Variants in TSC2 observed in about 807,000 individuals in gnomAD.
TSC2 encodes the protein tuberin.
TSC2 carries 29 observed loss-of-function variants against 202.2 expected under a neutral mutation model. That is an observed-to-expected ratio of 0.14 (90% CI 0.11 to 0.20). The LOEUF (loss-of-function observed/expected upper bound fraction) is 0.20. Ranked by LOEUF, TSC2 falls within the 10% of genes least tolerant of loss-of-function variation. The probability of loss-of-function intolerance (pLI) is 1.00; values close to 1 mark genes in which losing one functional copy is unlikely to be tolerated. For missense variants in TSC2, 2,429 were observed against 2,420.0 expected (o/e 1.00, Z -0.08); for synonymous variants, 1,349 against 1,044.0 (o/e 1.29, Z -5.63).
rs982774136 is a variant in TSC2, at chr16:2,065,733, C to G, written c.1716+98C>G. On this transcript the variant is annotated intron_variant, in intron 16 of 41. Coordinates refer to ENST00000219476, the MANE Select transcript of TSC2 (RefSeq NM_000548.5). ...GTTGGAGTCTGTTCCCCAGCGGGAC[C>G]CACACCCTCCCTGGATTTGCTGAGG... The G allele has an allele frequency of 2.3e-5, 25 of 1,078,058 alleles. No homozygotes were observed. In the African/African-American group the frequency reaches 3.9e-4, roughly 17 times the overall value. The allele number at this position is 1,078,058 out of a possible 1,614,324, so 66.8% of individuals were successfully genotyped here.
At chr16:2,057,669 A>T (rs1328116554) in intron 9 of TSC2, among the ~76,000 whole-genome samples, 2 of 152,030 alleles carry the variant, frequency 1.3e-5, no homozygotes, top group Non-Finnish European at 2.9e-5. Context: ...CCTTTTTCTG[A>T]CACAGATATG....
At chr16:2,052,173 G>A (rs1056291874) in intron 3 of TSC2, among the ~76,000 whole-genome samples, 2 of 150,440 alleles carry the variant, frequency 1.3e-5, no homozygotes, top group Non-Finnish European at 3.0e-5. Flanking sequence ...GGATGGTCCC[G>A]GGCCCTGTGT....
At chr16:2,080,510 G>GCAAGAC in intron 30 of TSC2, 133 bp downstream of exon 30, 5 of 1,058,054 alleles carry the variant, frequency 4.7e-6, no homozygotes, top group Non-Finnish European at 6.7e-6. Context: ...TTGAGACAGA[G>GCAAGAC]TCTTGCTCTG....
chr16:2,055,150 C>T (rs1048259334), intron 5 of TSC2: 7 of 573,800 alleles, frequency 1.2e-5, no homozygotes, highest in African/African-American at 9.3e-5. Flanking sequence ...CACACTTCTG[C>T]TGCCGCCTCG....
intron 11 of TSC2, chr16:2,061,183 T>G (rs1055868665): frequency 1.7e-5 from 6 of 360,246 alleles, no homozygotes; most frequent in Non-Finnish European, 2.7e-5. Context: ...ATTAGTCGAG[T>G]CTGTTAACCA....
intron 31 of TSC2, chr16:2,082,168 A>G (rs1038864392): frequency 3.4e-6 from 2 of 596,252 alleles, no homozygotes; most frequent in South Asian, 3.9e-5. Flanking sequence ...CCCACTCGGC[A>G]CCGTGCTTCT....
At chr16:2,081,441 G>A (rs936942509) in intron 30 of TSC2, 154 bp from the exon 31 acceptor site, 147 of 1,009,702 alleles carry the variant, frequency 1.5e-4, no homozygotes, top group Non-Finnish European at 1.9e-4. Context: ...GTGGGTGGCC[G>A]TCAGAGCAGC....
At chr16:2,076,332 G>A in intron 24 of TSC2, 159 bp from the exon 25 acceptor site, 2 of 1,561,160 alleles carry the variant, frequency 1.3e-6, no homozygotes, top group Non-Finnish European at 1.7e-6. Flanking sequence ...AGCCTGCAGG[G>A]CTTTGATGCG....
intron 21 of TSC2, 58 bp downstream of exon 21, chr16:2,073,041 C>G: frequency 6.2e-7 from 1 of 1,610,602 alleles, no homozygotes; most frequent in Non-Finnish European, 8.5e-7. Flanking sequence ...GAGGGCCTGG[C>G]CCAGGTAGGC....
chr16:2,048,354 G>A, intron 1 of TSC2: 2 of 876,950 alleles, frequency 2.3e-6, no homozygotes, highest in Non-Finnish European at 3.7e-6. Context: ...CGGGCGGGGC[G>A]GGCGGCAGCG....
In TSC2 at chr16:2,064,969, C is replaced by T. The variant is rs535209674; in HGVS notation, c.1599+542C>T. On this transcript the variant is annotated intron_variant, in intron 15 of 41. Transcript: ENST00000219476. ...TCTCTACTAAAAATATAAAAATTAGCTGCACGTGGTGGCGGGCACCTGCAA... is the reference window on the plus strand; with the variant it reads ...TCTCTACTAAAAATATAAAAATTAGTTGCACGTGGTGGCGGGCACCTGCAA... 2.6e-4 allele frequency: 51 copies of T among 198,002 alleles called. No individual in the cohort carries two copies. In the South Asian group the frequency reaches 4.6e-3, roughly 18 times the overall value. The allele number at this position is 198,002 out of a possible 1,614,324, so 12.3% of individuals were successfully genotyped here.
rs368666554 is a variant in TSC2, at chr16:2,080,288, G to A, written c.3521G>A (p.Arg1174Gln). 1.4e-5 allele frequency: 22 copies of A among 1,612,834 alleles called. No homozygotes were observed. The East Asian group carries it at 2.5e-4, about 18-fold the overall frequency. ...AKPEKASAGT[R>Q]VPVQEKTNLA... ...CCTGAGAAGGCCTCAGCTGGCACCC[G>A]GGTTCCTGTGCAGGAGAAGACGAAC... The change falls in exon 30 of 42, where the codon CGG becomes CAG. Residue 1174 changes from arginine (R) to glutamine (Q), a missense_variant. Physicochemically the swap from Arg to Gln is conservative, Grantham distance 43. Transcript: ENST00000219476.
rs2151531120 is a variant in TSC2, at chr16:2,084,509, C to T, written c.4287C>T (p.Ala1429=). 6.2e-7 allele frequency: 1 copy of T among 1,609,260 alleles called. No individual in the cohort carries two copies. The highest frequency in any genetic ancestry group is 8.5e-7 in the Non-Finnish European group (1 of 1,178,746). The change falls in exon 34 of 42, where the codon GCC becomes GCT. Residue 1429 remains alanine, a synonymous_variant. Coordinates refer to ENST00000219476, the MANE Select transcript of TSC2 (RefSeq NM_000548.5). ...GGACCCTGGACGGGGAAAGTGCTGC[C>T]TGGTCGGCCTCGGGCGAAGACAGTC... ...QSGTLDGESA[A]WSASGEDSRG... is the part of the protein sequence containing the mutation.
chr16:2,060,844 C>T (rs368945550), intron 11 of TSC2, 31 bp downstream of exon 11: 2 of 1,611,004 alleles, frequency 1.2e-6, no homozygotes, highest in Non-Finnish European at 1.7e-6. Context: ...CCGGGGAGCA[C>T]CGGGAACCCA....
Position 2,055,890 on chromosome 16 carries a change from CAAAAAAA to C in TSC2, c.600-293_600-287del, listed in dbSNP as rs373314420. The C allele has an allele frequency of 5.9e-4, 157 of 266,918 alleles. 1 individual carries two copies. Among genetic ancestry groups the C allele is most frequent in the Middle Eastern group, 3.5e-3 (3 of 852 alleles). 16.5% of individuals were successfully genotyped at this position (266,918 alleles called of 1,614,324 possible). On this transcript the variant is annotated intron_variant, in intron 6 of 41. Transcript: ENST00000219476. ...TGGGTGAAAGAGCAAAACTCCATCTCAAAAAAAAAAAAAAAAAAAGAGAAGTACGTAG... is the reference window on the plus strand; with the variant it reads ...TGGGTGAAAGAGCAAAACTCCATCTCAAAAAAAAAAAAGAGAAGTACGTAG...
chr16:2,050,107 C>T (rs948332183), intron 2 of TSC2, among the ~76,000 whole-genome samples: 7 of 151,970 alleles, frequency 4.6e-5, no homozygotes, highest in African/African-American at 1.7e-4. Flanking sequence ...AGACGCCCAC[C>T]ACCACGCCCA....
intron 24 of TSC2, 34 bp downstream of exon 24, chr16:2,076,204 G>T (rs772277295): frequency 6.2e-7 from 1 of 1,612,378 alleles, no homozygotes; most frequent in Admixed American, 1.7e-5. Context: ...TGTGTCTCTC[G>T]GTAGGCCAGG....
chr16:2,079,419 C>T lies in TSC2; in HGVS notation c.3275C>T (p.Pro1092Leu), dbSNP rs587781774. The change falls in exon 28 of 42, where the codon CCG becomes CTG. Residue 1092 changes from proline (P) to leucine (L), a missense_variant. Transcript: ENST00000219476. The surrounding 1 kb of genome is among the most constrained non-coding windows in gnomAD (Gnocchi z 4.6). ...GLDSGELQSG[P>L]ESSSSPGVHV... ...GACTCGGGGGAGCTGCAGTCCGGCC[C>T]GGAGTCGAGGTGACTGCACCTTCCT... The T allele has an allele frequency of 4.9e-5, 79 of 1,612,650 alleles. No individual in the cohort carries two copies. Among genetic ancestry groups the T allele is most frequent in the South Asian group, 8.8e-5 (8 of 91,088 alleles).
At chr16:2,081,357 GTGGGCTGGAGGCC>G (rs2090121919) in intron 30 of TSC2, 1 of 588,658 alleles carries the variant, frequency 1.7e-6, no homozygotes, top group Non-Finnish European at 3.1e-6. Flanking sequence ...CTGTGAGGCT[GTGGGCTGGAGGCC>G]GCTGCTCTGA....
Sources: allele counts gnomAD v4.1 joint callset (sites outside exome capture counted in the v4.1 genomes callset), GRCh38; gene constraint gnomAD v4.1.1; non-coding constraint Gnocchi (gnomAD v3.1); transcripts MANE v1.5; gene names NCBI Gene and HGNC (gene_info 2026-07-23, HGNC 2026-07-21).